The following PRKG1 variants were observed in gnomAD, a reference collection of about 807,000 sequenced individuals.
PRKG1 encodes the protein protein kinase cGMP-dependent 1.
In PRKG1, 35 loss-of-function variants were observed where a neutral mutation model predicts 88.1. The ratio of observed to expected loss-of-function variants is 0.40; its 90% CI spans 0.30 to 0.53. PRKG1 has a LOEUF of 0.53. Ranked by LOEUF, PRKG1 falls within the 20% of genes least tolerant of loss-of-function variation. The pLI is 0.59. For missense variants in PRKG1, 540 were observed against 839.8 expected, an observed-to-expected ratio of 0.64 and a Z score of 4.41; for synonymous variants, 303 against 292.5, an observed-to-expected ratio of 1.04 and a Z score of -0.37.
chr10:51,427,995 A>G (rs1458386614), intron 2 of PRKG1, among the ~76,000 whole-genome samples: 1 of 152,198 alleles, frequency 6.6e-6, no homozygotes, highest in East Asian at 1.9e-4. Context: ...GTAAAGTCCC[A>G]TTAGCTGGTG....
At chr10:51,470,668 C>G (rs1840026459) in intron 3 of PRKG1, among the ~76,000 whole-genome samples, 1 of 151,912 alleles carries the variant, frequency 6.6e-6, no homozygotes, top group Non-Finnish European at 1.5e-5. Flanking sequence ...TTAATAAATA[C>G]ATTTCAGTGA....
chr10:51,780,151 A>G (rs565729713), intron 3 of PRKG1, among the ~76,000 whole-genome samples: 2 of 152,248 alleles, frequency 1.3e-5, no homozygotes, highest in South Asian at 4.1e-4. Context: ...TTCTGGTAAC[A>G]TAGTCTGCTG....
intron 2 of PRKG1, among the ~76,000 whole-genome samples, chr10:51,202,857 G>A (rs926695523): frequency 6.6e-6 from 1 of 152,164 alleles, no homozygotes; most frequent in African/African-American, 2.4e-5. Context: ...TGAAAGCAAT[G>A]GAAAGCCATT....
At chr10:51,385,908 AG>A in intron 2 of PRKG1, among the ~76,000 whole-genome samples, 1 of 152,334 alleles carries the variant, frequency 6.6e-6, no homozygotes, top group South Asian at 2.1e-4. Context: ...GTGTCTATCA[AG>A]AGGATATATA....
At position 52,198,201 on chromosome 10, in the gene PRKG1, T is replaced by C. The variant is rs1023436947; in HGVS notation, c.1076+36238T>C. ...TTAAAAGTTGAACATCTGTAGTATA[T>C]GGTTTCGAGAAACTAAATTTGAAAA... On this transcript the variant is annotated intron_variant, in intron 9 of 17. Coordinates refer to ENST00000373980, the MANE Select transcript of PRKG1 (RefSeq NM_006258.4). 3.9e-5 allele frequency among the ~76,000 whole-genome samples: 6 copies of C among 152,224 alleles called. No individual in the cohort carries two copies. The East Asian group carries it at 1.2e-3, about 29-fold the overall frequency.
At chr10:51,790,810 C>T (rs1164499359) in intron 3 of PRKG1, among the ~76,000 whole-genome samples, 2 of 152,142 alleles carry the variant, frequency 1.3e-5, no homozygotes, top group South Asian at 2.1e-4. Context: ...GTATGCCTCA[C>T]TCCTCTCTGC....
intron 2 of PRKG1, among the ~76,000 whole-genome samples, chr10:51,336,237 C>T (rs1427925790): frequency 6.6e-6 from 1 of 152,036 alleles, no homozygotes; most frequent in Non-Finnish European, 1.5e-5. Context: ...CCTGTAATCC[C>T]AGCTACTCAG....
rs1554818275 is a variant in PRKG1 at position 52,217,365 on chromosome 10, T to TATAC, written c.1077-34204_1077-34203insTACA. Among the ~76,000 whole-genome samples, 375 of 150,768 alleles carry TATAC rather than the reference T, an allele frequency of 2.5e-3. 2 individuals carry two copies. Among genetic ancestry groups the TATAC allele is most frequent in the Middle Eastern group, 0.024 (7 of 290 alleles). On this transcript the variant is annotated intron_variant, in intron 9 of 17. Transcript: ENST00000373980. Reference sequence around the variant, plus strand: ...ATATCTATCTATCTATATATATATATACACATATACACACACACACACTTA... The same window carrying TATAC: ...ATATCTATCTATCTATATATATATATATACACACATATACACACACACACACTTA...
chr10:51,370,621 C>A, intron 2 of PRKG1, among the ~76,000 whole-genome samples: 1 of 151,228 alleles, frequency 6.6e-6, no homozygotes. Context: ...AATAGGAATA[C>A]AATGTGAACC....
chr10:51,512,008 A>C (rs1224684503), intron 3 of PRKG1, among the ~76,000 whole-genome samples: 1 of 152,158 alleles, frequency 6.6e-6, no homozygotes, highest in Non-Finnish European at 1.5e-5. Context: ...ATATTGAGCA[A>C]AACTGTCAGT....
At chr10:51,283,807 ACT>A (rs1004903686) in intron 2 of PRKG1, among the ~76,000 whole-genome samples, 1 of 152,166 alleles carries the variant, frequency 6.6e-6, no homozygotes, top group African/African-American at 2.4e-5. Flanking sequence ...GATTTACCAC[ACT>A]CTGTTATGAA....
intron 2 of PRKG1, among the ~76,000 whole-genome samples, chr10:51,181,974 T>G (rs574258359): frequency 6.6e-6 from 1 of 152,248 alleles, no homozygotes; most frequent in African/African-American, 2.4e-5. Context: ...GAGTGCACAG[T>G]TGGAACAACA....
chr10:51,412,113 T>C (rs2132689219), intron 2 of PRKG1, among the ~76,000 whole-genome samples: 1 of 151,748 alleles, frequency 6.6e-6, no homozygotes, highest in African/African-American at 2.4e-5. Flanking sequence ...ACATGGATTC[T>C]ACCAGGTTAA....
At chr10:51,769,605 T>C (rs1332116186) in intron 3 of PRKG1, among the ~76,000 whole-genome samples, 1 of 152,202 alleles carries the variant, frequency 6.6e-6, no homozygotes, top group African/African-American at 2.4e-5. Context: ...TAAGCCTATT[T>C]GGAAACAGAT....
chr10:52,238,143 TC>T (rs1465601918), intron 9 of PRKG1, among the ~76,000 whole-genome samples: 1 of 50,536 alleles, frequency 2.0e-5, no homozygotes, highest in Admixed American at 2.5e-4. Flanking sequence ...CTGGATCCCT[TC>T]CTTACACCTT....
At chr10:52,122,455 A>G (rs1308923919) in intron 7 of PRKG1, among the ~76,000 whole-genome samples, 2 of 152,234 alleles carry the variant, frequency 1.3e-5, no homozygotes, top group African/African-American at 4.8e-5. Context: ...ATTCAAACTT[A>G]TCTTTCACCT....
In PRKG1 at chr10:51,850,062, A is replaced by C. The variant is rs544197745; in HGVS notation, c.698+45372A>C. On this transcript the variant is annotated intron_variant, in intron 4 of 17. Transcript: ENST00000373980. ...ATAGATAAGGATTTGAAAGTGTAAG[A>C]ATGAAATAAAAATTAATAGAAGAAA... is the stretch of plus-strand genomic sequence containing the variant. Among the ~76,000 whole-genome samples, 3 of 152,340 alleles carry C rather than the reference A, an allele frequency of 2.0e-5. No individual in the cohort carries two copies. In the South Asian group the frequency reaches 6.2e-4, roughly 32 times the overall value.
chr10:51,665,439 T>C (rs2132337983), intron 3 of PRKG1, among the ~76,000 whole-genome samples: 1 of 152,270 alleles, frequency 6.6e-6, no homozygotes, highest in Admixed American at 6.5e-5. Flanking sequence ...TTTGCCTAGT[T>C]ATCTGAATCT....
intron 2 of PRKG1, among the ~76,000 whole-genome samples, chr10:51,332,881 T>C (rs1373078584): frequency 2.6e-5 from 4 of 152,220 alleles, no homozygotes; most frequent in Admixed American, 1.3e-4. Flanking sequence ...TCCCCATCAC[T>C]GTAGAGTAGA....
Sources: gnomAD v4.1 joint callset for allele counts (sites outside exome capture counted in the v4.1 genomes callset) on GRCh38, gnomAD v4.1.1 for gene constraint, MANE v1.5 for transcripts, NCBI Gene and HGNC (gene_info 2026-07-23, HGNC 2026-07-21) for gene names.